The following GABBR2 variants were observed in gnomAD, a reference collection of about 807,000 sequenced individuals.
GABBR2 encodes the protein gamma-aminobutyric acid type B receptor subunit 2.
GABBR2 carries 23 observed loss-of-function variants against 105.6 expected under a neutral mutation model. The observed-to-expected ratio is 0.22, with a 90% CI of 0.16 to 0.31. The LOEUF (loss-of-function observed/expected upper bound fraction) is 0.31, where lower values mean the gene tolerates loss of function less well. GABBR2 is among the 10% of genes least tolerant of loss of function. The probability of loss-of-function intolerance (pLI) is 1.00; values close to 1 mark genes in which losing one functional copy is unlikely to be tolerated. For missense variants in GABBR2, 734 were observed against 1,245.5 expected, an observed-to-expected ratio of 0.59 and a Z score of 6.18; for synonymous variants, 478 against 499.7, an observed-to-expected ratio of 0.96 and a Z score of 0.58.
intron 13 of GABBR2, among the ~76,000 whole-genome samples, chr9:98,328,194 C>T (rs1026223517): frequency 2.0e-4 from 31 of 151,798 alleles, no homozygotes; most frequent in South Asian, 4.2e-4. Context: ...GTTCAATTCC[C>T]GTGCTTCCTC....
intron 1 of GABBR2, among the ~76,000 whole-genome samples, chr9:98,599,686 C>A (rs1050021713): frequency 6.6e-6 from 1 of 152,206 alleles, no homozygotes; most frequent in African/African-American, 2.4e-5. Context: ...GCAGGGCATG[C>A]GGGTATACAG....
At chr9:98,678,614 A>C (rs1204085914) in intron 1 of GABBR2, among the ~76,000 whole-genome samples, 1 of 152,226 alleles carries the variant, frequency 6.6e-6, no homozygotes, top group African/African-American at 2.4e-5. Flanking sequence ...GGAAAACGGG[A>C]TGAAATGAAA....
intron 4 of GABBR2, among the ~76,000 whole-genome samples, chr9:98,481,954 T>C (rs1332072372): frequency 1.3e-5 from 2 of 152,206 alleles, no homozygotes; most frequent in Non-Finnish European, 2.9e-5. Flanking sequence ...TTTGTTGCTT[T>C]CTGGGGCATT....
chr9:98,323,016 C>T (rs12378583), intron 13 of GABBR2, among the ~76,000 whole-genome samples: 14,736 of 152,106 alleles, frequency 0.097, 1,171 homozygotes, highest in African/African-American at 0.21. Flanking sequence ...AATCAATCAA[C>T]CACCGCAGAC....
At chr9:98,297,241 T>G (rs771303951) in intron 17 of GABBR2, among the ~76,000 whole-genome samples, 67 of 152,206 alleles carry the variant, frequency 4.4e-4, no homozygotes, top group Non-Finnish European at 4.9e-4. Context: ...AATTTAAACG[T>G]TTTTGCAATA....
chr9:98,353,059 T>G (rs1184838270), intron 13 of GABBR2, among the ~76,000 whole-genome samples: 1 of 152,106 alleles, frequency 6.6e-6, no homozygotes, highest in Non-Finnish European at 1.5e-5. Flanking sequence ...TGCAGTTGTA[T>G]GGACTCCAGG....
At chr9:98,686,093 A>G (rs1456477383) in intron 1 of GABBR2, among the ~76,000 whole-genome samples, 1 of 151,032 alleles carries the variant, frequency 6.6e-6, no homozygotes, top group East Asian at 1.9e-4. Flanking sequence ...ACCCGTGTGA[A>G]GCTGTCTTAG....
At chr9:98,672,804 A>C (rs1225600525) in intron 1 of GABBR2, among the ~76,000 whole-genome samples, 3 of 152,198 alleles carry the variant, frequency 2.0e-5, no homozygotes, top group African/African-American at 7.2e-5. Context: ...CGGGCACTTG[A>C]TATTCCTTCA....
chr9:98,522,276 G>A (rs1200297943), intron 3 of GABBR2, among the ~76,000 whole-genome samples: 1 of 152,048 alleles, frequency 6.6e-6, no homozygotes, highest in Non-Finnish European at 1.5e-5. Flanking sequence ...GCTCACTCAT[G>A]AATTATTGAT....
chr9:98,579,654 CAT>C (rs1434358131), intron 1 of GABBR2, among the ~76,000 whole-genome samples: 1 of 152,144 alleles, frequency 6.6e-6, no homozygotes, highest in African/African-American at 2.4e-5. Context: ...ATAGTGAACA[CAT>C]GTCAAAGTTT....
At chr9:98,442,936 G>A (rs1460957769) in intron 7 of GABBR2, among the ~76,000 whole-genome samples, 2 of 152,098 alleles carry the variant, frequency 1.3e-5, no homozygotes, top group East Asian at 1.9e-4. Flanking sequence ...ACTTCAGTAC[G>A]ACCTCATCTT....
At chr9:98,302,607 A>T (rs1351687360) in intron 16 of GABBR2, among the ~76,000 whole-genome samples, 2 of 152,174 alleles carry the variant, frequency 1.3e-5, no homozygotes, top group Non-Finnish European at 2.9e-5. Flanking sequence ...CTATTAAAGC[A>T]ACACACAGCC....
intron 13 of GABBR2, among the ~76,000 whole-genome samples, chr9:98,312,408 TTGTCAGGA>T (rs1225205628): frequency 1.3e-5 from 2 of 152,246 alleles, no homozygotes; most frequent in Non-Finnish European, 2.9e-5. Flanking sequence ...TTATGTATTC[TTGTCAGGA>T]ATCCTACATA....
intron 13 of GABBR2, among the ~76,000 whole-genome samples, chr9:98,356,521 C>T (rs182528418): frequency 3.9e-4 from 59 of 152,294 alleles, no homozygotes; most frequent in African/African-American, 1.3e-3. Flanking sequence ...CAAATGCAGG[C>T]AAGGATGTGG....
intron 8 of GABBR2, among the ~76,000 whole-genome samples, chr9:98,397,107 T>C (rs1295025537): frequency 1.3e-5 from 2 of 152,200 alleles, no homozygotes; most frequent in African/African-American, 2.4e-5. Context: ...GAATTCAGCA[T>C]ACTTTTACCC....
Position 98,393,817 on chromosome 9 carries a change from A to G in GABBR2, c.1378+358T>C, listed in dbSNP as rs543469902. On this transcript the variant is annotated intron_variant, in intron 9 of 18. Coordinates refer to ENST00000259455, the MANE Select transcript of GABBR2 (RefSeq NM_005458.8). ...GTTCTCTAGCAGAGGAGAAGAAATAATCTTCTAGGAAGAGCAGCAGATAGA... is the reference window on the plus strand; with the variant it reads ...GTTCTCTAGCAGAGGAGAAGAAATAGTCTTCTAGGAAGAGCAGCAGATAGA... Among the ~76,000 whole-genome samples, 3 of 152,348 alleles carry G rather than the reference A, an allele frequency of 2.0e-5. No individual in the cohort carries two copies. The South Asian group carries it at 6.2e-4, about 32-fold the overall frequency.
rs542204369 is a variant in GABBR2 at position 98,549,192 on chromosome 9, TG to T, written c.460-7150del. On this transcript the variant is annotated intron_variant, in intron 2 of 18. Coordinates refer to ENST00000259455, the MANE Select transcript of GABBR2 (RefSeq NM_005458.8). ...CGCTCCTGACCTCAGGTGATCCACC[TG>T]CTTTGGCCTCCCAAAGTGCTGGGAT... Among the ~76,000 whole-genome samples, 5 of 122,324 alleles carry T rather than the reference TG, an allele frequency of 4.1e-5. 1 individual carries two copies. Among genetic ancestry groups the T allele is most frequent in the African/African-American group, 1.3e-4 (5 of 38,256 alleles). The allele number at this position is 122,324 out of a possible 152,430, so 80.2% of individuals were successfully genotyped here.
At chr9:98,652,133 A>G (rs866818832) in intron 1 of GABBR2, among the ~76,000 whole-genome samples, 5 of 152,334 alleles carry the variant, frequency 3.3e-5, no homozygotes, top group Middle Eastern at 3.4e-3. Flanking sequence ...GTTTATTATC[A>G]TATGTATCAT....
At chr9:98,356,023 A>G (rs575156083) in intron 13 of GABBR2, among the ~76,000 whole-genome samples, 2 of 152,350 alleles carry the variant, frequency 1.3e-5, no homozygotes, top group South Asian at 4.1e-4. Context: ...GAGTCTAGAC[A>G]TAGACCTTAC....
Sources: allele counts gnomAD v4.1 joint callset (sites outside exome capture counted in the v4.1 genomes callset), GRCh38; gene constraint gnomAD v4.1.1; transcripts MANE v1.5; gene names NCBI Gene and HGNC (gene_info 2026-07-23, HGNC 2026-07-21).